The following WASF3 variants were observed in gnomAD, a reference collection of about 807,000 sequenced individuals.
WASF3 encodes the protein WASP family member 3.
A neutral mutation model predicts 46.6 loss-of-function variants in WASF3; 11 were observed. That is an observed-to-expected ratio of 0.24 (90% confidence interval 0.15 to 0.39). WASF3 has a LOEUF of 0.39. Among genes scored for constraint, WASF3 ranks in the 10% least tolerant of loss-of-function variants. The pLI is 1.00. For synonymous variants in WASF3, 242 were observed against 259.7 expected (o/e 0.93, Z 0.65); for missense variants, 576 against 669.8 (o/e 0.86, Z 1.55).
chr13:26,566,981 A>G (rs562572056), intron 1 of WASF3, among the ~76,000 whole-genome samples: 3 of 152,258 alleles, frequency 2.0e-5, no homozygotes, highest in South Asian at 2.1e-4. Context: ...TATGTCCCCC[A>G]TTTCACACTT....
chr13:26,660,842 G>T (rs1056740259), intron 3 of WASF3, among the ~76,000 whole-genome samples: 1 of 152,162 alleles, frequency 6.6e-6, no homozygotes, highest in Non-Finnish European at 1.5e-5. Context: ...GCTGATGATT[G>T]TGCAGGCTGT....
chr13:26,637,745 G>A (rs1189506480), intron 2 of WASF3, among the ~76,000 whole-genome samples: 1 of 152,190 alleles, frequency 6.6e-6, no homozygotes, highest in African/African-American at 2.4e-5. Flanking sequence ...CACCGTCACT[G>A]TAATCTTTAG....
At position 26,687,095 on chromosome 13, in the gene WASF3, C is replaced by T. The variant is rs999970233; in HGVS notation, c.*1250C>T. On this transcript the variant is annotated 3_prime_UTR_variant, in exon 10 of 10. Coordinates refer to ENST00000335327, the MANE Select transcript of WASF3 (RefSeq NM_006646.6). ...ACCTCCACCCTTCCTGTTGTTCCCA[C>T]GTGGGCAATACCAGGGACCCATGGG... 2.0e-5 allele frequency: 3 copies of T among 152,242 alleles called. No individual in the cohort carries two copies. The highest frequency in any genetic ancestry group is 2.9e-5 in the Non-Finnish European group (2 of 68,074). The allele number at this position is 152,242 out of a possible 1,614,324, so 9.4% of individuals were successfully genotyped here.
intron 2 of WASF3, among the ~76,000 whole-genome samples, chr13:26,634,481 T>G (rs1201313334): frequency 6.6e-6 from 1 of 152,224 alleles, no homozygotes; most frequent in Non-Finnish European, 1.5e-5. Context: ...ATTTAGCCCA[T>G]TTACATTTAA....
intron 1 of WASF3, among the ~76,000 whole-genome samples, chr13:26,583,621 T>C (rs534215130): frequency 1.3e-5 from 2 of 152,338 alleles, no homozygotes; most frequent in East Asian, 3.9e-4. Context: ...TACTTGTTAT[T>C]TCTTTGAACC....
chr13:26,586,394 A>G (rs1235961973), intron 1 of WASF3, among the ~76,000 whole-genome samples: 2 of 151,188 alleles, frequency 1.3e-5, no homozygotes, highest in African/African-American at 4.9e-5. Context: ...TTAACCAATA[A>G]CTCTTACCCT....
intron 3 of WASF3, among the ~76,000 whole-genome samples, chr13:26,657,762 A>G (rs1882509630): frequency 6.6e-6 from 1 of 152,272 alleles, no homozygotes; most frequent in Non-Finnish European, 1.5e-5. Context: ...AAGAGTGAGT[A>G]GAATTCAGCT....
Position 26,590,072 on chromosome 13 carries a change from T to C in WASF3, c.-108-22889T>C, listed in dbSNP as rs528121424. On this transcript the variant is annotated intron_variant, in intron 1 of 9. Transcript: ENST00000335327. ...CTGCAACTGAAGACCCATATCTGAA[T>C]AGCATTCTAACAGTATTTCTCATTA... Among the ~76,000 whole-genome samples, 82 of 152,356 alleles carry C rather than the reference T, an allele frequency of 5.4e-4. 1 individual carries two copies. The highest frequency in any genetic ancestry group is 1.7e-3 in the African/African-American group (71 of 41,584).
chr13:26,582,109 T>G (rs1002721835), intron 1 of WASF3, among the ~76,000 whole-genome samples: 12 of 152,232 alleles, frequency 7.9e-5, no homozygotes, highest in African/African-American at 2.4e-4. Flanking sequence ...TACTTCTTTT[T>G]CACTTCCAAT....
intron 3 of WASF3, among the ~76,000 whole-genome samples, chr13:26,660,069 G>T (rs1010530928): frequency 6.6e-6 from 1 of 152,090 alleles, no homozygotes; most frequent in East Asian, 1.9e-4. Flanking sequence ...ATGGAAAAGA[G>T]AAGAGGTTGG....
chr13:26,579,184 T>A (rs1879899091), intron 1 of WASF3, among the ~76,000 whole-genome samples: 1 of 151,190 alleles, frequency 6.6e-6, no homozygotes, highest in Non-Finnish European at 1.5e-5. Context: ...AGTTTTTTTT[T>A]AAAGATGGGG....
chr13:26,617,124 T>G (rs1041919843), intron 2 of WASF3, among the ~76,000 whole-genome samples: 3 of 152,206 alleles, frequency 2.0e-5, no homozygotes, highest in African/African-American at 7.2e-5. Flanking sequence ...CATTCTCACA[T>G]CTATGTATAA....
intron 2 of WASF3, among the ~76,000 whole-genome samples, chr13:26,639,503 C>T (rs1881930339): frequency 6.6e-6 from 1 of 152,052 alleles, no homozygotes; most frequent in Non-Finnish European, 1.5e-5. Flanking sequence ...GGACTCAGTC[C>T]CAAATTCAGG....
At chr13:26,616,867 G>A (rs1881150004) in intron 2 of WASF3, among the ~76,000 whole-genome samples, 1 of 152,160 alleles carries the variant, frequency 6.6e-6, no homozygotes, top group Non-Finnish European at 1.5e-5. Context: ...CTGGGGTGTA[G>A]TCAAAGGCCT....
the WASF3 span, among the ~76,000 whole-genome samples, chr13:26,545,080 T>C: frequency 6.6e-6 from 1 of 152,150 alleles, no homozygotes. Flanking sequence ...CAGAGCATCG[T>C]GTTGTTCTTT....
At chr13:26,548,693 A>C in the WASF3 span, among the ~76,000 whole-genome samples, 1 of 152,144 alleles carries the variant, frequency 6.6e-6, no homozygotes, top group Non-Finnish European at 1.5e-5. Context: ...TCATGACCCT[A>C]CAGAGTGAAG....
chr13:26,556,738 C>T (rs1879105941), upstream of WASF3, among the ~76,000 whole-genome samples: 3 of 152,206 alleles, frequency 2.0e-5, no homozygotes, highest in Admixed American at 2.0e-4. Flanking sequence ...CATTATTACA[C>T]ATCTGTAAAG....
the WASF3 span, among the ~76,000 whole-genome samples, chr13:26,542,686 C>T: frequency 2.6e-5 from 4 of 152,204 alleles, no homozygotes; most frequent in Non-Finnish European, 4.4e-5. Flanking sequence ...TAGCCACATA[C>T]ATTGAAGTGA....
chr13:26,604,614 A>G (rs1276530055), intron 1 of WASF3, among the ~76,000 whole-genome samples: 2 of 152,238 alleles, frequency 1.3e-5, no homozygotes, highest in South Asian at 2.1e-4. Flanking sequence ...GAAGGAGTCC[A>G]TTTAGTAGCA....
Sources: allele counts gnomAD v4.1 joint callset (sites outside exome capture counted in the v4.1 genomes callset), GRCh38; gene constraint gnomAD v4.1.1; transcripts MANE v1.5; gene names NCBI Gene and HGNC (gene_info 2026-07-23, HGNC 2026-07-21).